The following HERC6 variants were observed in gnomAD, a reference collection of about 807,000 sequenced individuals.
The protein encoded by HERC6 is HECT and RLD domain containing E3 ubiquitin protein ligase family member 6, also known as probable E3 ubiquitin-protein ligase HERC6.
Under a neutral mutation model 114.5 loss-of-function variants are expected in HERC6, and 101 were observed. The observed-to-expected ratio is 0.88, with a 90% CI of 0.75 to 1.04. The LOEUF (loss-of-function observed/expected upper bound fraction) is 1.04, where lower values mean the gene tolerates loss of function less well. Ranked by LOEUF, HERC6 falls within the 50% of genes least tolerant of loss-of-function variation. The pLI, the probability that HERC6 is intolerant of heterozygous loss-of-function variation, is 0.00. For synonymous variants in HERC6, 408 were observed against 436.2 expected (o/e 0.94, Z 0.81); for missense variants, 1,133 against 1,230.9 (o/e 0.92, Z 1.19).
chr4:88,380,353 AATATATATATAATATATAAAT>A (rs199868330), intron 1 of HERC6, among the ~76,000 whole-genome samples: 11,426 of 34,178 alleles, frequency 0.33, 2,508 homozygotes, highest in African/African-American at 0.42. Flanking sequence ...ATATAATATA[AATATATATATAATATATAAAT>A]ATATATATAT....
At chr4:88,383,762 TCAAAAAAAAA>T (rs1734439052) in intron 2 of HERC6, among the ~76,000 whole-genome samples, 1 of 20,086 alleles carries the variant, frequency 5.0e-5, no homozygotes, top group Non-Finnish European at 9.4e-5. Context: ...AGACTCAGTC[TCAAAAAAAAA>T]AAAAAAAAAA....
chr4:88,442,943 T>C lies in HERC6; in HGVS notation c.*483T>C, dbSNP rs1445308427. The C allele has an allele frequency of 1.8e-5, 3 of 169,798 alleles. No individual in the cohort carries two copies. 10.5% of individuals were successfully genotyped at this position (169,798 alleles called of 1,614,324 possible). A position where few individuals can be genotyped will look rare whatever the true frequency, so the allele number is the denominator to read the frequency against. ...CTTTCATTTACATAGGGTGTAACCA[T>C]CAAGAAACCTCTACAGGGTACTTAA... On this transcript the variant is annotated 3_prime_UTR_variant, in exon 23 of 23. Transcript: ENST00000264346.
rs867036792 is a variant in HERC6, at chr4:88,438,677, T to C, written c.2555+896T>C. Among the ~76,000 whole-genome samples the C allele has an allele frequency of 3.3e-5, 5 of 152,332 alleles. No individual in the cohort carries two copies. In the South Asian group the frequency reaches 8.3e-4, roughly 25 times the overall value. On this transcript the variant is annotated intron_variant, in intron 20 of 22. Coordinates refer to ENST00000264346, the MANE Select transcript of HERC6 (RefSeq NM_017912.4). The stretch of plus-strand genomic sequence containing the variant: ...ACTAGTACCAGCTTGTGAGAGCTGA[T>C]TGTTAAATTTTCAAAAATGTTAAGA...
intron 1 of HERC6, among the ~76,000 whole-genome samples, chr4:88,380,936 T>G (rs1013510402): frequency 6.6e-6 from 1 of 152,122 alleles, no homozygotes; most frequent in Non-Finnish European, 1.5e-5. Context: ...GCAGTATTTA[T>G]GCAACTCTGT....
chr4:88,417,864 T>A (rs1231617434), intron 13 of HERC6, among the ~76,000 whole-genome samples: 1 of 152,226 alleles, frequency 6.6e-6, no homozygotes, highest in East Asian at 1.9e-4. Flanking sequence ...GAGGATGGCT[T>A]GAGCCCAGGA....
At chr4:88,406,018 CA>C (rs544507416) in intron 10 of HERC6, among the ~76,000 whole-genome samples, 4 of 152,350 alleles carry the variant, frequency 2.6e-5, no homozygotes, top group African/African-American at 9.6e-5. Flanking sequence ...CTCACTGCTA[CA>C]GAAGAAAATC....
At chr4:88,412,328 A>G (rs1157745298) in intron 11 of HERC6, among the ~76,000 whole-genome samples, 2 of 152,184 alleles carry the variant, frequency 1.3e-5, no homozygotes, top group Admixed American at 1.3e-4. Context: ...CTTCTGGGCC[A>G]GGTACACTGG....
chr4:88,409,767 C>G (rs750112626), intron 11 of HERC6, among the ~76,000 whole-genome samples: 2 of 152,134 alleles, frequency 1.3e-5, no homozygotes, highest in Admixed American at 6.5e-5. Context: ...AAAATCTATT[C>G]CAGTTTAATA....
intron 5 of HERC6, among the ~76,000 whole-genome samples, chr4:88,393,898 A>C (rs1450469321): frequency 6.6e-6 from 1 of 152,192 alleles, no homozygotes. Context: ...TTGTGAGGGC[A>C]CTAATCCCAT....
intron 11 of HERC6, 33 bp downstream of exon 11, chr4:88,408,650 A>G (rs1418650133): frequency 7.5e-7 from 1 of 1,326,308 alleles, no homozygotes; most frequent in Non-Finnish European, 1.1e-6. Context: ...GATATAGAAC[A>G]AATACGATTG....
At position 88,395,906 on chromosome 4, in the gene HERC6, T is replaced by A. The variant is rs778262507; in HGVS notation, c.760-109T>A. On this transcript the variant is annotated intron_variant, in intron 5 of 22. Coordinates refer to ENST00000264346, the MANE Select transcript of HERC6 (RefSeq NM_017912.4). ...GGATCTCTCCTATTTATGTAGAGCT[T>A]GTGTTTCACAGAGTGCTCCCGTATT... 71 of 881,114 alleles carry A rather than the reference T, an allele frequency of 8.1e-5. 1 individual carries two copies. The highest frequency in any genetic ancestry group is 1.1e-4 in the Non-Finnish European group (67 of 603,986). 54.6% of individuals were successfully genotyped at this position (881,114 alleles called of 1,614,324 possible).
intron 8 of HERC6, among the ~76,000 whole-genome samples, chr4:88,402,865 GA>G (rs970727548): frequency 5.3e-5 from 8 of 152,112 alleles, no homozygotes; most frequent in Non-Finnish European, 1.0e-4. Flanking sequence ...GATGTGGGGG[GA>G]AAAACTCTTC....
chr4:88,431,452 C>T, intron 17 of HERC6, 147 bp downstream of exon 17: 1 of 930,312 alleles, frequency 1.1e-6, no homozygotes, highest in Non-Finnish European at 1.6e-6. Context: ...GTTCACAGAG[C>T]AGCAGCTATG....
Position 88,423,944 on chromosome 4 carries a change from G to A in HERC6, c.1798G>A (p.Gly600Arg), listed in dbSNP as rs530538766. ...SNLLNFYIDRGRQLFRDNHLI... is the reference protein window; with the variant it reads ...SNLLNFYIDRRRQLFRDNHLI... ...CTTATTAAACTTTTATATAGATAGA[G>A]GAAGACAGCTCTTTCGGGATAACCA... The change falls in exon 14 of 23, where the codon GGA (glycine) becomes AGA (arginine). Residue 600 changes from glycine to arginine, a missense_variant. Coordinates refer to ENST00000264346, the MANE Select transcript of HERC6 (RefSeq NM_017912.4). The A allele has an allele frequency of 6.5e-7, 1 of 1,539,354 alleles. No homozygotes were observed.
At chr4:88,404,761 G>A in intron 8 of HERC6, 115 bp from the exon 9 acceptor site, 1 of 1,325,088 alleles carries the variant, frequency 7.5e-7, no homozygotes, top group Non-Finnish European at 1.0e-6. Flanking sequence ...CCCACCAAAT[G>A]CTACCACCCA....
intron 11 of HERC6, 103 bp downstream of exon 11, chr4:88,408,720 G>T: frequency 1.3e-6 from 1 of 783,588 alleles, no homozygotes. Context: ...TGCCCGATGA[G>T]TTCTTCCTGC....
chr4:88,433,461 C>T (rs954141344), intron 17 of HERC6, among the ~76,000 whole-genome samples: 5 of 152,018 alleles, frequency 3.3e-5, no homozygotes, highest in Admixed American at 3.3e-4. Context: ...GAGAGTTCTG[C>T]CCTCATGAAT....
intron 5 of HERC6, among the ~76,000 whole-genome samples, chr4:88,393,963 A>G (rs1735060649): frequency 6.6e-6 from 1 of 152,150 alleles, no homozygotes; most frequent in African/African-American, 2.4e-5. Context: ...CCATCTCCTA[A>G]TATCATGGCA....
chr4:88,411,750 C>A (rs1736116839), intron 11 of HERC6, among the ~76,000 whole-genome samples: 1 of 152,190 alleles, frequency 6.6e-6, no homozygotes, highest in Admixed American at 6.5e-5. Context: ...TCATTCAGGG[C>A]TGAATCAGGC....
Sources: allele counts gnomAD v4.1 joint callset (sites outside exome capture counted in the v4.1 genomes callset), GRCh38; gene constraint gnomAD v4.1.1; transcripts MANE v1.5; gene names NCBI Gene and HGNC (gene_info 2026-07-23, HGNC 2026-07-21).